Variants in BOD1L1 observed in about 807,000 individuals in gnomAD.
BOD1L1 encodes biorientation of chromosomes in cell division protein 1-like 1.
In BOD1L1, 86 loss-of-function variants were observed where a neutral mutation model predicts 240.7. The ratio of observed to expected loss-of-function variants is 0.36; its 90% CI spans 0.30 to 0.43. BOD1L1 has a LOEUF of 0.43. BOD1L1 is among the 20% of genes least tolerant of loss of function. BOD1L1 has a pLI of 1.00. For synonymous variants in BOD1L1, 1,268 were observed against 1,272.3 expected, an observed-to-expected ratio of 1.00 and a Z score of 0.07; for missense variants, 3,554 against 3,643.5, an observed-to-expected ratio of 0.98 and a Z score of 0.63.
intron 18 of BOD1L1, 144 bp from the exon 19 acceptor site, chr4:13,582,454 G>A: frequency 1.4e-6 from 1 of 737,322 alleles, no homozygotes; most frequent in Non-Finnish European, 2.2e-6. Context: ...ACAAGCCTGA[G>A]TTTGGGTGAC....
At position 13,608,228 on chromosome 4, in the gene BOD1L1, T is replaced by C. The variant is rs543852517; in HGVS notation, c.1742+302A>G. ...CTCCAGGGAACTTCTAGAGGATTCA[T>C]AAACTCTTAAAGTCTAGGGATAATT... On this transcript the variant is annotated intron_variant, in intron 8 of 25. Transcript: ENST00000040738. Among the ~76,000 whole-genome samples, 5 of 152,304 alleles carry C rather than the reference T, an allele frequency of 3.3e-5. No individual in the cohort carries two copies. In the East Asian group the frequency reaches 9.6e-4, roughly 29 times the overall value.
At chr4:13,616,355 C>A (rs1382514670) in intron 2 of BOD1L1, among the ~76,000 whole-genome samples, 2 of 152,110 alleles carry the variant, frequency 1.3e-5, no homozygotes, top group Non-Finnish European at 2.9e-5. Context: ...GACATTTGAG[C>A]CAAGTCTTCA....
In BOD1L1 at chr4:13,605,940, C is replaced by T. The variant is rs557858999; in HGVS notation, c.1816-856G>A. On this transcript the variant is annotated intron_variant, in intron 9 of 25. Transcript: ENST00000040738. ...GCCCTGTGGTTTGGCACTAAGTAGG[C>T]GATTAATATTAATGAGTGGAGGTTG... Among the ~76,000 whole-genome samples the T allele has an allele frequency of 7.2e-5, 11 of 152,228 alleles. No individual in the cohort carries two copies. The South Asian group carries it at 1.9e-3, about 26-fold the overall frequency.
At chr4:13,606,198 T>C (rs1379479687) in intron 9 of BOD1L1, among the ~76,000 whole-genome samples, 1 of 152,180 alleles carries the variant, frequency 6.6e-6, no homozygotes, top group Admixed American at 6.5e-5. Flanking sequence ...GGAGTTTGCA[T>C]CAACTTCACA....
chr4:13,607,384 C>T (rs955878846), intron 8 of BOD1L1, among the ~76,000 whole-genome samples, 195 bp from the exon 9 acceptor site: 1 of 152,192 alleles, frequency 6.6e-6, no homozygotes, highest in African/African-American at 2.4e-5. Flanking sequence ...ACTGCAATCT[C>T]CGCTCCTGAG....
At chr4:13,580,051 G>A (rs1390673636) in intron 21 of BOD1L1, 78 bp from the exon 22 acceptor site, 3 of 1,032,628 alleles carry the variant, frequency 2.9e-6, no homozygotes, top group Non-Finnish European at 4.4e-6. Context: ...AATCAATGAT[G>A]TAAAGGTGGT....
At position 13,601,500 on chromosome 4, in the gene BOD1L1, T is replaced by C; in HGVS notation, c.5400A>G (p.Gly1800=). ...AACCTGTGCAACTTGCTGGCCCCTC[T>C]CCATCTTCTGTTATCCCCGTGCTGG... ...AVTSTGITED[G]EGPASCTGSE... The change falls in exon 10 of 26, where the codon GGA becomes GGG. Residue 1800 remains glycine (G), a synonymous_variant. Coordinates refer to ENST00000040738, the MANE Select transcript of BOD1L1 (RefSeq NM_148894.3). 1.9e-6 allele frequency: 3 copies of C among 1,614,038 alleles called. No individual in the cohort carries two copies. Among genetic ancestry groups the C allele is most frequent in the South Asian group, 2.2e-5 (2 of 91,088 alleles).
chr4:13,573,617 G>A (rs534693511), intron 25 of BOD1L1, among the ~76,000 whole-genome samples: 20 of 152,082 alleles, frequency 1.3e-4, no homozygotes, highest in Middle Eastern at 3.4e-3. Flanking sequence ...TCCACTTCCC[G>A]GGTTCAAGCA....
chr4:13,613,430 G>A lies in BOD1L1; in HGVS notation c.1324+82C>T. 7.6e-7 allele frequency: 1 copy of A among 1,313,866 alleles called. No homozygotes were observed. Among genetic ancestry groups the A allele is most frequent in the Non-Finnish European group, 1.0e-6 (1 of 957,560 alleles). The allele number at this position is 1,313,866 out of a possible 1,614,324, so 81.4% of individuals were successfully genotyped here. Reference sequence around the variant, plus strand: ...CATGCTCTTGCTACTATACCACACTGTTTCTCAGGATATAGCCATCAGAAT... The same window carrying A: ...CATGCTCTTGCTACTATACCACACTATTTCTCAGGATATAGCCATCAGAAT... On this transcript the variant is annotated intron_variant, in intron 5 of 25. Coordinates refer to ENST00000040738, the MANE Select transcript of BOD1L1 (RefSeq NM_148894.3). This position sits in a 1 kb window ranked among gnomAD's most constrained non-coding sequence, Gnocchi z 4.0.
chr4:13,578,843 T>G (rs1712988524), intron 22 of BOD1L1, among the ~76,000 whole-genome samples: 1 of 152,252 alleles, frequency 6.6e-6, no homozygotes, highest in South Asian at 2.1e-4. Flanking sequence ...TAGAATTCTT[T>G]TGACTCCAAA....
intron 1 of BOD1L1, among the ~76,000 whole-genome samples, chr4:13,626,998 A>G (rs1470977385): frequency 6.6e-6 from 1 of 152,244 alleles, no homozygotes; most frequent in Non-Finnish European, 1.5e-5. Flanking sequence ...TCAAGAAAGA[A>G]GGCAAACATA....
Position 13,604,802 on chromosome 4 carries a change from C to T in BOD1L1, c.2098G>A (p.Glu700Lys), listed in dbSNP as rs1389041410. Residue 700 changes from glutamate (E) to lysine (K), a missense_variant, in exon 10 of 26, where the codon GAA becomes AAA. Glu to Lys is a moderately conservative substitution (Grantham distance 56). Transcript: ENST00000040738. The stretch of plus-strand genomic sequence containing the variant: ...GAATCATCTTTCTTTAGATGCTTTT[C>T]GTTTTTAAGTGTGCTTTTCTGTTTC... ...PQKQKSTLKN[E>K]KHLKKDDSET... The T allele has an allele frequency of 3.1e-6, 5 of 1,612,982 alleles. No individual in the cohort carries two copies. Among genetic ancestry groups the T allele is most frequent in the Non-Finnish European group, 4.2e-6 (5 of 1,179,710 alleles).
intron 19 of BOD1L1, 85 bp from the exon 20 acceptor site, chr4:13,581,292 T>C: frequency 1.0e-6 from 1 of 984,062 alleles, no homozygotes; most frequent in Non-Finnish European, 1.5e-6. Context: ...AAATCAGATT[T>C]AGAGTTCCTG....
chr4:13,602,582 C>T lies in BOD1L1; in HGVS notation c.4318G>A (p.Val1440Ile), dbSNP rs773259605. The T allele has an allele frequency of 1.5e-4, 240 of 1,613,916 alleles. No homozygotes were observed. The highest frequency in any genetic ancestry group is 1.9e-4 in the Non-Finnish European group (224 of 1,179,894). ...GTATTCAGGCCTACAACATGATCAA[C>T]AGCAATGCCATCCTTCTTGCCATTC... ...VENGKKDGIA[V>I]DHVVGLNTEK... Residue 1440 changes from valine to isoleucine, a missense_variant, in exon 10 of 26, where the codon GTT becomes ATT. By Grantham distance (29) the Val-to-Ile change is conservative. Coordinates refer to ENST00000040738, the MANE Select transcript of BOD1L1 (RefSeq NM_148894.3).
In BOD1L1 at chr4:13,581,201, G is replaced by A; in HGVS notation, c.8599C>T (p.Gln2867Ter). Reference sequence around the variant, plus strand: ...CTTTTCCTTTTAATAATTATTGGCTGATCTTCCTAAGGGGGAAATAAAAAA... The same window carrying A: ...CTTTTCCTTTTAATAATTATTGGCTAATCTTCCTAAGGGGGAAATAAAAAA... ...DDTIKSQEEDQPIIIKRKRGR... is the reference protein window; with the variant it reads ...DDTIKSQEED The change falls in exon 20 of 26, where the codon CAG (glutamine) becomes TAG (stop). Residue 2867 changes from glutamine (Q) to a stop codon, truncating the protein, a stop_gained. Transcript: ENST00000040738. LOFTEE classifies it high-confidence loss of function. 1 of 1,562,486 alleles carries A rather than the reference G, an allele frequency of 6.4e-7. No homozygotes were observed. The highest frequency in any genetic ancestry group is 8.7e-7 in the Non-Finnish European group (1 of 1,152,178).
In BOD1L1 at chr4:13,622,322, T is replaced by C. The variant is rs946040439; in HGVS notation, c.244-2255A>G. Reference sequence around the variant, plus strand: ...CAGAACAAGTTCAAATCTGAACTACTCAACAGGTAATTTTCCTTGTTTTCA... The same window carrying C: ...CAGAACAAGTTCAAATCTGAACTACCCAACAGGTAATTTTCCTTGTTTTCA... On this transcript the variant is annotated intron_variant, in intron 1 of 25. Coordinates refer to ENST00000040738, the MANE Select transcript of BOD1L1 (RefSeq NM_148894.3). Among the ~76,000 whole-genome samples, 6 of 152,230 alleles carry C rather than the reference T, an allele frequency of 3.9e-5. No homozygotes were observed. The East Asian group carries it at 9.6e-4, about 24-fold the overall frequency.
intron 1 of BOD1L1, chr4:13,624,182 A>T (rs1433426733): frequency 6.6e-6 from 1 of 152,100 alleles, no homozygotes; most frequent in Non-Finnish European, 1.5e-5. Flanking sequence ...ATAACCTGTA[A>T]CATAACCAGG....
intron 17 of BOD1L1, among the ~76,000 whole-genome samples, chr4:13,586,005 C>T (rs1016590177): frequency 7.9e-5 from 12 of 152,128 alleles, no homozygotes; most frequent in African/African-American, 2.7e-4. Flanking sequence ...CAGACTAATA[C>T]AGGAGGTAAG....
In BOD1L1 at chr4:13,570,113, G is replaced by C. The variant is rs778357205; in HGVS notation, c.9054C>G (p.Leu3018=). ...RSEAQRSKTQ[L]SPSIKRKREV... ...CTCTCTTGCGCTTGATAGAAGGGGAGAGCTGTGTCTTTGATCTGCATTAAG... is the reference window on the plus strand; with the variant it reads ...CTCTCTTGCGCTTGATAGAAGGGGACAGCTGTGTCTTTGATCTGCATTAAG... The change falls in exon 26 of 26, where the codon CTC becomes CTG. Residue 3018 remains leucine (L), a synonymous_variant. Transcript: ENST00000040738. The C allele has an allele frequency of 6.3e-7, 1 of 1,597,058 alleles. No homozygotes were observed. Among genetic ancestry groups the C allele is most frequent in the African/African-American group, 1.4e-5 (1 of 73,750 alleles).
Sources: allele counts gnomAD v4.1 joint callset (sites outside exome capture counted in the v4.1 genomes callset), GRCh38; gene constraint gnomAD v4.1.1; non-coding constraint Gnocchi (gnomAD v3.1); transcripts MANE v1.5; gene names NCBI Gene and HGNC (gene_info 2026-07-23, HGNC 2026-07-21).